Variants in ZNF407 observed in about 807,000 individuals in gnomAD.
ZNF407 encodes zinc finger protein 407.
A neutral mutation model predicts 131.2 loss-of-function variants in ZNF407; 17 were observed. That is an observed-to-expected ratio of 0.13 (90% CI 0.09 to 0.19). The LOEUF (loss-of-function observed/expected upper bound fraction) is 0.19, where lower values mean the gene tolerates loss of function less well. Ranked by LOEUF, ZNF407 falls within the 10% of genes least tolerant of loss-of-function variation. The pLI is 1.00. For missense variants in ZNF407, 2,681 were observed against 2,830.6 expected (o/e 0.95, Z 1.20); for synonymous variants, 1,156 against 1,062.0 (o/e 1.09, Z -1.72).
chr18:74,599,522 A>AAT (rs1555713870), intron 1 of ZNF407, among the ~76,000 whole-genome samples: 1 of 152,128 alleles, frequency 6.6e-6, no homozygotes, highest in Non-Finnish European at 1.5e-5. Flanking sequence ...CACATAAATA[A>AAT]ATATATATAA....
chr18:74,734,445 C>T lies in ZNF407; in HGVS notation c.4803-46983C>T, dbSNP rs553054017. Among the ~76,000 whole-genome samples the T allele has an allele frequency of 2.2e-4, 34 of 152,186 alleles. No individual in the cohort carries two copies. The East Asian group carries it at 2.5e-3, about 11-fold the overall frequency. On this transcript the variant is annotated intron_variant, in intron 3 of 8. Transcript: ENST00000299687. ...TTTGTATTGGAAAGTTATTCTGATG[C>T]GTCATTACAGATTTTAAAGTAAAAA...
At chr18:74,900,500 C>T (rs938155404) in intron 7 of ZNF407, among the ~76,000 whole-genome samples, 3 of 152,214 alleles carry the variant, frequency 2.0e-5, no homozygotes, top group African/African-American at 7.2e-5. Flanking sequence ...CTTGTGTTGA[C>T]TGTGTTTCAC....
At chr18:74,857,356 T>A (rs1214707699) in intron 4 of ZNF407, among the ~76,000 whole-genome samples, 2 of 152,244 alleles carry the variant, frequency 1.3e-5, no homozygotes, top group African/African-American at 4.8e-5. Flanking sequence ...TATTTCATAT[T>A]CTTCCTTAAT....
At chr18:74,786,017 A>T (rs1969704456) in intron 4 of ZNF407, among the ~76,000 whole-genome samples, 1 of 152,200 alleles carries the variant, frequency 6.6e-6, no homozygotes, top group African/African-American at 2.4e-5. Context: ...TATATGAGAA[A>T]AGCCATGCGT....
chr18:74,962,386 A>G (rs976284711), intron 8 of ZNF407, among the ~76,000 whole-genome samples: 26 of 152,248 alleles, frequency 1.7e-4, no homozygotes, highest in African/African-American at 6.0e-4. Flanking sequence ...CATCTTAAAC[A>G]TCTGTCAGAT....
At chr18:74,623,038 G>T (rs553595902) in intron 1 of ZNF407, among the ~76,000 whole-genome samples, 197 of 106,082 alleles carry the variant, frequency 1.9e-3, no homozygotes, top group Non-Finnish European at 3.6e-3. Context: ...GAGTGCATGT[G>T]TGTGTGAATG....
chr18:75,025,375 T>C, intron 8 of ZNF407, among the ~76,000 whole-genome samples: 1 of 152,242 alleles, frequency 6.6e-6, no homozygotes, highest in Non-Finnish European at 1.5e-5. Flanking sequence ...TTGAACAATG[T>C]CAGTGAGACA....
chr18:74,930,897 T>C (rs1971975691), intron 8 of ZNF407, among the ~76,000 whole-genome samples: 1 of 152,226 alleles, frequency 6.6e-6, no homozygotes. Flanking sequence ...GGCTGGAGAA[T>C]GGTAGTTATA....
At chr18:74,998,175 A>T (rs1972801547) in intron 8 of ZNF407, among the ~76,000 whole-genome samples, 2 of 152,138 alleles carry the variant, frequency 1.3e-5, no homozygotes, top group Admixed American at 1.3e-4. Flanking sequence ...TTTTCATGGG[A>T]TGATGTTTCT....
intron 8 of ZNF407, among the ~76,000 whole-genome samples, chr18:74,940,281 AAACAT>A (rs1347136184): frequency 1.3e-5 from 2 of 152,198 alleles, no homozygotes; most frequent in African/African-American, 4.8e-5. Context: ...ACTTAGGATC[AAACAT>A]AACAGAATAG....
At chr18:74,842,176 G>A (rs1266612170) in intron 4 of ZNF407, among the ~76,000 whole-genome samples, 1 of 152,062 alleles carries the variant, frequency 6.6e-6, no homozygotes, top group Non-Finnish European at 1.5e-5. Context: ...TCAGATCCTA[G>A]CTTACCTTAT....
chr18:75,007,114 C>A (rs1474395281), intron 8 of ZNF407, among the ~76,000 whole-genome samples: 1 of 151,938 alleles, frequency 6.6e-6, no homozygotes, highest in Non-Finnish European at 1.5e-5. Context: ...GTTTCATAAT[C>A]CTGTCTGGAA....
At chr18:74,935,417 A>G (rs543130432) in intron 8 of ZNF407, among the ~76,000 whole-genome samples, 48 of 152,304 alleles carry the variant, frequency 3.2e-4, no homozygotes, top group African/African-American at 1.0e-3. Context: ...CAAATAAACC[A>G]CCGACAGGAT....
In ZNF407 at chr18:74,889,645, C is replaced by G. The variant is rs1220548427; in HGVS notation, c.5129-273C>G. On this transcript the variant is annotated intron_variant, in intron 6 of 8. Transcript: ENST00000299687. The stretch of plus-strand genomic sequence containing the variant: ...TTCTAAATACAGTGCTGAACCATCC[C>G]TAGAATTTAGATTCCTGTTTATGTA... Among the ~76,000 whole-genome samples, 3 of 152,220 alleles carry G rather than the reference C, an allele frequency of 2.0e-5. No homozygotes were observed. The East Asian group carries it at 5.8e-4, about 29-fold the overall frequency.
intron 8 of ZNF407, among the ~76,000 whole-genome samples, chr18:74,989,996 T>C (rs905642239): frequency 1.3e-5 from 2 of 152,236 alleles, no homozygotes; most frequent in Admixed American, 6.5e-5. Context: ...ACATCTAATA[T>C]TCAGCAGCTT....
chr18:74,853,141 A>G (rs1970812949), intron 4 of ZNF407, among the ~76,000 whole-genome samples: 1 of 152,206 alleles, frequency 6.6e-6, no homozygotes, highest in South Asian at 2.1e-4. Context: ...TCTTTGCTAC[A>G]CTAGATTAGA....
intron 8 of ZNF407, among the ~76,000 whole-genome samples, chr18:74,947,523 T>G (rs1440972495): frequency 6.6e-6 from 1 of 152,160 alleles, no homozygotes; most frequent in African/African-American, 2.4e-5. Flanking sequence ...GACGTGAAAG[T>G]AACGGAAGCT....
At chr18:75,013,783 A>T (rs1169623444) in intron 8 of ZNF407, among the ~76,000 whole-genome samples, 1 of 152,052 alleles carries the variant, frequency 6.6e-6, no homozygotes, top group Non-Finnish European at 1.5e-5. Flanking sequence ...AATTTCTAAA[A>T]ATAAATTAAG....
chr18:74,823,640 T>C (rs1335405733), intron 4 of ZNF407, among the ~76,000 whole-genome samples: 1 of 152,148 alleles, frequency 6.6e-6, no homozygotes, highest in African/African-American at 2.4e-5. Flanking sequence ...GGTAAAGGTA[T>C]CAATGCAACA....
Sources: gnomAD v4.1 joint callset for allele counts (sites outside exome capture counted in the v4.1 genomes callset) on GRCh38, gnomAD v4.1.1 for gene constraint, MANE v1.5 for transcripts, NCBI Gene and HGNC (gene_info 2026-07-23, HGNC 2026-07-21) for gene names.